NAV2: variants seen among roughly 807,000 people sequenced by gnomAD.
NAV2 encodes neuron navigator 2.
Under a neutral mutation model 223.2 loss-of-function variants are expected in NAV2, and 54 were observed. The observed-to-expected ratio is 0.24, with a 90% confidence interval of 0.19 to 0.30. NAV2 has a LOEUF of 0.30. Among genes scored for constraint, NAV2 ranks in the 10% least tolerant of loss-of-function variants. The pLI, the probability that NAV2 is intolerant of heterozygous loss-of-function variation, is 1.00. For synonymous variants in NAV2, 1,279 were observed against 1,239.3 expected (o/e 1.03, Z -0.67); for missense variants, 2,806 against 3,147.5 (o/e 0.89, Z 2.60).
chr11:20,120,890 C>T lies in NAV2; in HGVS notation c.*2632C>T, dbSNP rs2063442179. The T allele has an allele frequency of 6.6e-6, 1 of 152,622 alleles. No individual in the cohort carries two copies. The highest frequency in any genetic ancestry group is 1.5e-5 in the Non-Finnish European group (1 of 68,032). The allele number at this position is 152,622 out of a possible 1,614,324, so 9.5% of individuals were successfully genotyped here. A position where few individuals can be genotyped will look rare whatever the true frequency, so the allele number is the denominator to read the frequency against. ...TTTAGGGCTCTATCGGAAATGCTTC[C>T]ATTTTGCCTTTTCTACAGTTAGGCC... On this transcript the variant is annotated 3_prime_UTR_variant, in exon 38 of 38. Coordinates refer to ENST00000349880, the MANE Select transcript of NAV2 (RefSeq NM_145117.5).
At chr11:20,026,279 G>T (rs773362424) in intron 11 of NAV2, among the ~76,000 whole-genome samples, 22 of 151,960 alleles carry the variant, frequency 1.4e-4, no homozygotes, top group African/African-American at 5.1e-4. Flanking sequence ...AGAGACAGGT[G>T]GCTTGCTTAT....
intron 4 of NAV2, among the ~76,000 whole-genome samples, chr11:19,874,320 T>C (rs1045266046): frequency 1.3e-5 from 2 of 152,194 alleles, no homozygotes; most frequent in Non-Finnish European, 2.9e-5. Context: ...AATTTGCTTT[T>C]CTGTTGCCAC....
intron 12 of NAV2, among the ~76,000 whole-genome samples, chr11:20,042,434 G>C (rs2057012479): frequency 6.6e-6 from 1 of 152,136 alleles, no homozygotes; most frequent in Admixed American, 6.5e-5. Context: ...ACAGCTGAAT[G>C]ATGAGCTTCT....
intron 1 of NAV2, among the ~76,000 whole-genome samples, chr11:19,792,100 G>C (rs1014557827): frequency 7.2e-5 from 11 of 152,168 alleles, no homozygotes; most frequent in African/African-American, 2.4e-4. Flanking sequence ...TACATGCATG[G>C]CAATTTATAT....
At chr11:19,871,784 G>A (rs1822352) in intron 4 of NAV2, among the ~76,000 whole-genome samples, 133,403 of 152,086 alleles carry the variant, frequency 0.88, 58,641 homozygotes, top group East Asian at 1. Flanking sequence ...AGATCAGCCG[G>A]GTCTCTGCTA....
intron 6 of NAV2, among the ~76,000 whole-genome samples, chr11:19,897,865 C>T (rs1269113461): frequency 8.1e-6 from 1 of 124,092 alleles, no homozygotes; most frequent in Non-Finnish European, 1.7e-5. Flanking sequence ...CAATGAGCCA[C>T]AGCTGTGCCT....
chr11:19,990,489 C>G (rs1341987062), intron 11 of NAV2, among the ~76,000 whole-genome samples: 1 of 152,154 alleles, frequency 6.6e-6, no homozygotes. Flanking sequence ...AGGCTGGGAC[C>G]ATGGTTTAAG....
At chr11:19,836,172 C>T (rs1378641220) in intron 2 of NAV2, among the ~76,000 whole-genome samples, 1 of 152,210 alleles carries the variant, frequency 6.6e-6, no homozygotes, top group Non-Finnish European at 1.5e-5. Context: ...TAGTACTCCA[C>T]TAAACATTCC....
intron 11 of NAV2, among the ~76,000 whole-genome samples, chr11:20,010,406 G>A (rs2053467892): frequency 1.3e-5 from 2 of 152,166 alleles, no homozygotes; most frequent in South Asian, 4.1e-4. Context: ...CGTCTGCTGT[G>A]CAAATAGGGG....
chr11:20,051,071 G>T (rs931409995), intron 16 of NAV2, among the ~76,000 whole-genome samples: 1 of 152,208 alleles, frequency 6.6e-6, no homozygotes, highest in African/African-American at 2.4e-5. Flanking sequence ...GGTGACCTGG[G>T]GTAAAGTATG....
At chr11:19,727,882 C>T (rs552284422) in intron 1 of NAV2, among the ~76,000 whole-genome samples, 5 of 152,258 alleles carry the variant, frequency 3.3e-5, no homozygotes, top group South Asian at 2.1e-4. Flanking sequence ...AGAGTCTGCA[C>T]GAGGAAGGAA....
At chr11:19,572,774 A>G (rs1413209044) in intron 1 of NAV2, among the ~76,000 whole-genome samples, 1 of 152,202 alleles carries the variant, frequency 6.6e-6, no homozygotes, top group East Asian at 1.9e-4. Flanking sequence ...GGGAATCATA[A>G]TGGTGTATAT....
chr11:19,981,872 A>T (rs2050322230), intron 10 of NAV2, among the ~76,000 whole-genome samples: 1 of 152,222 alleles, frequency 6.6e-6, no homozygotes, highest in African/African-American at 2.4e-5. Context: ...TTTGCTTGTC[A>T]TATGTCTTAA....
chr11:19,754,222 C>G (rs1360891727), intron 1 of NAV2, among the ~76,000 whole-genome samples: 1 of 152,114 alleles, frequency 6.6e-6, no homozygotes, highest in Admixed American at 6.6e-5. Flanking sequence ...GGGCCTTTCT[C>G]TTTTTTCTGA....
intron 1 of NAV2, among the ~76,000 whole-genome samples, chr11:19,554,486 C>T (rs1364864047): frequency 2.6e-5 from 4 of 152,206 alleles, no homozygotes; most frequent in East Asian, 1.9e-4. Context: ...TTAGAAAATG[C>T]GTTGCCCTGA....
intron 12 of NAV2, chr11:20,043,735 C>G: frequency 2.2e-6 from 1 of 444,894 alleles, no homozygotes; most frequent in Non-Finnish European, 4.0e-6. Context: ...AGCCACTGTG[C>G]CCAGCCATCT....
intron 1 of NAV2, among the ~76,000 whole-genome samples, chr11:19,590,682 A>T (rs192963213): frequency 4.6e-5 from 7 of 152,304 alleles, no homozygotes; most frequent in Non-Finnish European, 1.0e-4. Flanking sequence ...AGATATGGAG[A>T]AGTGAGGAAG....
intron 11 of NAV2, among the ~76,000 whole-genome samples, chr11:20,033,049 T>A (rs2055938730): frequency 6.6e-6 from 1 of 152,254 alleles, no homozygotes; most frequent in African/African-American, 2.4e-5. Flanking sequence ...ACAGCCGTTG[T>A]TGCTACAGAA....
chr11:20,045,255 G>C lies in NAV2; in HGVS notation c.3487G>C (p.Ala1163Pro), dbSNP rs1416830826. 1 of 1,614,212 alleles carries C rather than the reference G, an allele frequency of 6.2e-7. No homozygotes were observed. The highest frequency in any genetic ancestry group is 1.3e-5 in the African/African-American group (1 of 75,052). ...PKSSALVSRSAGRKSSMDGAQ... is the reference protein window; with the variant it reads ...PKSSALVSRSPGRKSSMDGAQ... ...GTCATCTGCACTCGTCAGTCGGTCT[G>C]CTGGTCGGAAGTCAAGTATGGATGG... is the stretch of plus-strand genomic sequence containing the variant. Residue 1163 changes from alanine to proline, a missense_variant, in exon 14 of 38, where the codon GCT becomes CCT. Physicochemically the swap from Ala to Pro is conservative, Grantham distance 27 (BLOSUM62 -1). This residue lies in a region of NAV2 where 742 missense variants were observed against 777.9 expected (regional missense o/e 0.95). Transcript: ENST00000349880.
Sources: gnomAD v4.1 joint callset for allele counts (sites outside exome capture counted in the v4.1 genomes callset) on GRCh38, gnomAD v4.1.1 for gene constraint, gnomAD v4.1.1 regional missense constraint, MANE v1.5 for transcripts, NCBI Gene and HGNC (gene_info 2026-07-23, HGNC 2026-07-21) for gene names.